The following CSMD3 variants were observed in gnomAD, a reference collection of about 807,000 sequenced individuals.
CSMD3 encodes the protein CUB and sushi domain-containing protein 3.
Under a neutral mutation model 435.2 loss-of-function variants are expected in CSMD3, and 177 were observed. The observed-to-expected ratio is 0.41, with a 90% CI of 0.36 to 0.46. CSMD3 has a LOEUF of 0.46. CSMD3 is among the 20% of genes least tolerant of loss of function. CSMD3 has a pLI of 0.34. For synonymous variants in CSMD3, 1,656 were observed against 1,520.5 expected, an observed-to-expected ratio of 1.09 and a Z score of -2.07; for missense variants, 4,265 against 4,504.6, an observed-to-expected ratio of 0.95 and a Z score of 1.52.
rs1488599323 is a variant in CSMD3, at chr8:112,228,757, T to C, written c.10963A>G (p.Arg3655Gly). The part of the protein sequence containing the change: ...AGFGFYLYKQ[R>G]TAPKTQYTGC... ...GTAGTTAAAAATCAATGAGCTTACC[T>C]TTGTTTATAAAGATAAAATCCAAAT... The change falls in exon 70 of 71, where the codon AGG becomes GGG. Residue 3655 changes from arginine (R) to glycine (G), a missense_variant and splice_region_variant. Arg to Gly is a moderately radical substitution (Grantham distance 125). Coordinates refer to ENST00000297405, the MANE Select transcript of CSMD3 (RefSeq NM_198123.2). 6.3e-7 allele frequency: 1 copy of C among 1,598,094 alleles called. No homozygotes were observed. Among genetic ancestry groups the C allele is most frequent in the African/African-American group, 1.3e-5 (1 of 74,486 alleles).
At chr8:112,546,061 G>A (rs1827154485) in intron 27 of CSMD3, among the ~76,000 whole-genome samples, 1 of 152,194 alleles carries the variant, frequency 6.6e-6, no homozygotes, top group South Asian at 2.1e-4. Flanking sequence ...GTAGGTACAA[G>A]TGTTTCAGGA....
chr8:113,237,331 T>C (rs189937483), intron 3 of CSMD3, among the ~76,000 whole-genome samples: 2 of 152,310 alleles, frequency 1.3e-5, no homozygotes, highest in East Asian at 3.9e-4. Context: ...GGTGAATTAC[T>C]GCAAGTTACT....
At chr8:113,350,894 C>A (rs192715187) in intron 1 of CSMD3, among the ~76,000 whole-genome samples, 115 of 152,152 alleles carry the variant, frequency 7.6e-4, no homozygotes, top group African/African-American at 2.6e-3. Context: ...AGTCTCTATG[C>A]CTTTACAACT....
At chr8:113,231,844 T>A (rs1316790281) in intron 3 of CSMD3, among the ~76,000 whole-genome samples, 2 of 151,496 alleles carry the variant, frequency 1.3e-5, no homozygotes, top group Non-Finnish European at 3.0e-5. Context: ...AATGATCATT[T>A]AGTCATAGGC....
chr8:112,787,290 C>T (rs1274033934), intron 13 of CSMD3, among the ~76,000 whole-genome samples: 3 of 152,070 alleles, frequency 2.0e-5, no homozygotes, highest in Non-Finnish European at 4.4e-5. Flanking sequence ...AAATGAATTT[C>T]TTCCAAATTT....
At chr8:112,348,952 T>C (rs1825907579) in intron 40 of CSMD3, among the ~76,000 whole-genome samples, 1 of 152,132 alleles carries the variant, frequency 6.6e-6, no homozygotes. Flanking sequence ...AGATGGGAAC[T>C]GTCCTGTAAT....
chr8:112,975,611 C>T (rs2084816525), intron 7 of CSMD3, among the ~76,000 whole-genome samples: 1 of 152,082 alleles, frequency 6.6e-6, no homozygotes, highest in South Asian at 2.1e-4. Context: ...ACCCCCTCCC[C>T]CTCCAACATT....
chr8:113,436,609 A>G, intron 1 of CSMD3, 68 bp downstream of exon 1: 1 of 1,403,072 alleles, frequency 7.1e-7, no homozygotes, highest in South Asian at 1.2e-5. Context: ...GTAAGCTGCC[A>G]GCCTCTCTCC....
intron 4 of CSMD3, among the ~76,000 whole-genome samples, chr8:113,160,444 A>G (rs74731474): frequency 2.1e-3 from 312 of 152,052 alleles, no homozygotes; most frequent in East Asian, 0.012. Context: ...GCAATATTTT[A>G]GGCATTTTTA....
chr8:112,605,831 A>T (rs1832750560), intron 22 of CSMD3, among the ~76,000 whole-genome samples: 2 of 152,164 alleles, frequency 1.3e-5, no homozygotes, highest in Non-Finnish European at 2.9e-5. Flanking sequence ...TTTTACACAA[A>T]TGTAATCTTA....
intron 22 of CSMD3, among the ~76,000 whole-genome samples, chr8:112,622,559 T>C (rs1834160108): frequency 6.6e-6 from 1 of 152,190 alleles, no homozygotes. Flanking sequence ...ATGATGAATG[T>C]TGTGTTTTCA....
At chr8:112,622,325 C>A (rs577730695) in intron 22 of CSMD3, among the ~76,000 whole-genome samples, 3 of 152,186 alleles carry the variant, frequency 2.0e-5, no homozygotes, top group Non-Finnish European at 4.4e-5. Context: ...AACAGGTTTC[C>A]CTAGCTTCAG....
intron 2 of CSMD3, among the ~76,000 whole-genome samples, chr8:113,308,176 T>C (rs1049703152): frequency 4.0e-5 from 6 of 151,706 alleles, no homozygotes; most frequent in African/African-American, 7.3e-5. Flanking sequence ...TTTTTCTTAA[T>C]GATGATTGAT....
intron 5 of CSMD3, among the ~76,000 whole-genome samples, chr8:113,089,325 A>T (rs72685806): frequency 0.12 from 17,739 of 152,196 alleles, 1,083 homozygotes; most frequent in Middle Eastern, 0.18. Flanking sequence ...ATTTTTAGCC[A>T]ATCACTTAAC....
intron 22 of CSMD3, among the ~76,000 whole-genome samples, chr8:112,601,925 T>A (rs1832384334): frequency 6.6e-6 from 1 of 152,210 alleles, no homozygotes; most frequent in African/African-American, 2.4e-5. Context: ...AAAAACAATT[T>A]TTCTATTTAT....
chr8:113,262,346 C>T (rs2093433951), intron 3 of CSMD3, among the ~76,000 whole-genome samples: 1 of 152,066 alleles, frequency 6.6e-6, no homozygotes, highest in Admixed American at 6.6e-5. Context: ...TTTTAATCTT[C>T]TATTCTTTGT....
chr8:113,082,895 A>C (rs2089622503), intron 5 of CSMD3, among the ~76,000 whole-genome samples: 1 of 152,132 alleles, frequency 6.6e-6, no homozygotes, highest in Admixed American at 6.5e-5. Flanking sequence ...GAAATAACAC[A>C]CTCAGACAAA....
At chr8:112,639,314 T>C (rs2074751472) in intron 20 of CSMD3, among the ~76,000 whole-genome samples, 1 of 152,128 alleles carries the variant, frequency 6.6e-6, no homozygotes, top group African/African-American at 2.4e-5. Flanking sequence ...CTTAATATTA[T>C]AGCACTTAAC....
chr8:113,245,892 T>C (rs2093270932), intron 3 of CSMD3, among the ~76,000 whole-genome samples: 1 of 152,012 alleles, frequency 6.6e-6, no homozygotes, highest in Non-Finnish European at 1.5e-5. Flanking sequence ...TATTGTTTGC[T>C]ACTATAAATT....
Sources: gnomAD v4.1 joint callset for allele counts (sites outside exome capture counted in the v4.1 genomes callset) on GRCh38, gnomAD v4.1.1 for gene constraint, MANE v1.5 for transcripts, NCBI Gene and HGNC (gene_info 2026-07-23, HGNC 2026-07-21) for gene names.